The following CSMD1 variants were observed in gnomAD, a reference collection of about 807,000 sequenced individuals.
The protein encoded by CSMD1 is CUB and Sushi multiple domains 1, also known as CUB and sushi domain-containing protein 1.
Under a neutral mutation model 417.5 loss-of-function variants are expected in CSMD1, and 213 were observed. That is an observed-to-expected ratio of 0.51 (90% confidence interval 0.46 to 0.57). The LOEUF (loss-of-function observed/expected upper bound fraction) is 0.57, where lower values mean the gene tolerates loss of function less well. CSMD1 is among the 20% of genes least tolerant of loss of function. CSMD1 has a pLI of 0.00. For synonymous variants in CSMD1, 2,862 were observed against 1,736.8 expected (o/e 1.65, Z -16.11); for missense variants, 6,923 against 4,529.7 (o/e 1.53, Z -15.17).
chr8:4,054,481 T>C (rs1012864493), intron 3 of CSMD1, among the ~76,000 whole-genome samples: 1 of 152,144 alleles, frequency 6.6e-6, no homozygotes, highest in East Asian at 1.9e-4. Flanking sequence ...GACTGCATTT[T>C]GGAAGCTTTT....
chr8:4,137,253 T>A (rs1365497391), intron 3 of CSMD1, among the ~76,000 whole-genome samples: 1 of 152,160 alleles, frequency 6.6e-6, no homozygotes, highest in African/African-American at 2.4e-5. Flanking sequence ...TTCTGGTAGC[T>A]ATGAGAAATT....
intron 5 of CSMD1, among the ~76,000 whole-genome samples, chr8:3,770,927 G>A (rs1798534655): frequency 6.6e-6 from 1 of 152,112 alleles, no homozygotes; most frequent in South Asian, 2.1e-4. Context: ...AGATAGCTTG[G>A]TGAATCTCCG....
intron 8 of CSMD1, among the ~76,000 whole-genome samples, chr8:3,588,204 T>G (rs962677601): frequency 6.6e-6 from 1 of 152,162 alleles, no homozygotes; most frequent in African/African-American, 2.4e-5. Context: ...TCATTGAACA[T>G]CTGCTATGTG....
chr8:4,105,936 G>A (rs1334551215), intron 3 of CSMD1, among the ~76,000 whole-genome samples: 1 of 152,168 alleles, frequency 6.6e-6, no homozygotes, highest in Non-Finnish European at 1.5e-5. Context: ...GGTGCGTCCT[G>A]AATACCTGAC....
At chr8:3,771,099 G>A (rs1454277303) in intron 5 of CSMD1, among the ~76,000 whole-genome samples, 1 of 151,900 alleles carries the variant, frequency 6.6e-6, no homozygotes, top group Non-Finnish European at 1.5e-5. Context: ...TGTATTCTCA[G>A]GATCTTGAAA....
intron 3 of CSMD1, among the ~76,000 whole-genome samples, chr8:4,220,519 A>G (rs1342482668): frequency 6.6e-6 from 1 of 152,218 alleles, no homozygotes; most frequent in African/African-American, 2.4e-5. Flanking sequence ...TCCTAGTGCA[A>G]GAGTGGAAAC....
At chr8:4,522,613 A>G (rs1470329567) in intron 2 of CSMD1, among the ~76,000 whole-genome samples, 1 of 152,220 alleles carries the variant, frequency 6.6e-6, no homozygotes, top group African/African-American at 2.4e-5. Context: ...GAATTTAGCA[A>G]GTGGAACCAG....
At chr8:4,874,162 A>G (rs866323779) in intron 1 of CSMD1, among the ~76,000 whole-genome samples, 1 of 152,084 alleles carries the variant, frequency 6.6e-6, no homozygotes, top group Non-Finnish European at 1.5e-5. Context: ...AAATAGCTTT[A>G]TACTTGCATC....
At chr8:4,710,080 C>T (rs1180470884) in intron 1 of CSMD1, among the ~76,000 whole-genome samples, 1 of 152,010 alleles carries the variant, frequency 6.6e-6, no homozygotes, top group African/African-American at 2.4e-5. Flanking sequence ...GGGGCAAGAA[C>T]ACAAAATATC....
intron 5 of CSMD1, among the ~76,000 whole-genome samples, chr8:3,873,727 C>G (rs906243121): frequency 6.6e-6 from 1 of 152,114 alleles, no homozygotes; most frequent in Non-Finnish European, 1.5e-5. Flanking sequence ...AAATAAAAAG[C>G]CTTTTTCTCA....
At chr8:3,712,882 G>C (rs1034651833) in intron 6 of CSMD1, among the ~76,000 whole-genome samples, 5 of 152,134 alleles carry the variant, frequency 3.3e-5, no homozygotes, top group Middle Eastern at 3.2e-3. Flanking sequence ...TCAAAAGATG[G>C]ACAATTTCAG....
intron 52 of CSMD1, among the ~76,000 whole-genome samples, chr8:3,005,783 G>A (rs1191143144): frequency 6.6e-6 from 1 of 151,956 alleles, no homozygotes; most frequent in Non-Finnish European, 1.5e-5. Context: ...AAAATAATAA[G>A]AGCTATCTAT....
chr8:3,636,299 G>GT (rs1797042920), intron 7 of CSMD1, among the ~76,000 whole-genome samples: 1 of 152,140 alleles, frequency 6.6e-6, no homozygotes, highest in South Asian at 2.1e-4. Context: ...GCCTGAGGCT[G>GT]TTGTACAGGC....
chr8:4,933,713 G>A (rs1267793784), intron 1 of CSMD1, among the ~76,000 whole-genome samples: 3 of 152,168 alleles, frequency 2.0e-5, no homozygotes, highest in Non-Finnish European at 4.4e-5. Context: ...AAGAATGGAT[G>A]AATGCACAGA....
chr8:3,161,201 A>C (rs547682429), intron 38 of CSMD1, among the ~76,000 whole-genome samples: 9 of 152,350 alleles, frequency 5.9e-5, no homozygotes, highest in Non-Finnish European at 8.8e-5. Flanking sequence ...TAAGTGATAG[A>C]CACTATTCTG....
chr8:4,319,820 C>G (rs1188420272), intron 3 of CSMD1, among the ~76,000 whole-genome samples: 4 of 152,046 alleles, frequency 2.6e-5, no homozygotes, highest in Admixed American at 2.0e-4. Flanking sequence ...GTAGAGGACC[C>G]TCGGGGTCTT....
At chr8:3,450,178 G>T (rs62505627) in intron 12 of CSMD1, among the ~76,000 whole-genome samples, 1 of 152,064 alleles carries the variant, frequency 6.6e-6, no homozygotes, top group African/African-American at 2.4e-5. Flanking sequence ...ACACTCAGGC[G>T]GCCTCCAGCC....
chr8:3,241,130 G>T (rs540327620), intron 26 of CSMD1, among the ~76,000 whole-genome samples: 2 of 151,694 alleles, frequency 1.3e-5, no homozygotes, highest in East Asian at 3.9e-4. Flanking sequence ...GCAATGAGAT[G>T]TAGCTGTAGT....
intron 1 of CSMD1, among the ~76,000 whole-genome samples, chr8:4,901,686 A>T (rs962829841): frequency 6.6e-6 from 1 of 152,226 alleles, no homozygotes; most frequent in African/African-American, 2.4e-5. Flanking sequence ...TCCAACTGGC[A>T]GTATGCATAC....
Sources: allele counts gnomAD v4.1 joint callset (sites outside exome capture counted in the v4.1 genomes callset), GRCh38; gene constraint gnomAD v4.1.1; transcripts MANE v1.5; gene names NCBI Gene and HGNC (gene_info 2026-07-23, HGNC 2026-07-21).